The following SKAP1 variants were observed in gnomAD, a reference collection of about 807,000 sequenced individuals.
The protein encoded by SKAP1 is src kinase associated phosphoprotein 1.
SKAP1 carries 44 observed loss-of-function variants against 58.5 expected under a neutral mutation model. That is an observed-to-expected ratio of 0.75 (90% CI 0.59 to 0.97). The LOEUF (loss-of-function observed/expected upper bound fraction) is 0.97, where lower values mean the gene tolerates loss of function less well. Among genes scored for constraint, SKAP1 ranks in the 50% least tolerant of loss-of-function variants. The pLI, the probability that SKAP1 is intolerant of heterozygous loss-of-function variation, is 0.00. For missense variants in SKAP1, 390 were observed against 435.2 expected, an observed-to-expected ratio of 0.90 and a Z score of 0.92; for synonymous variants, 127 against 149.7, an observed-to-expected ratio of 0.85 and a Z score of 1.11.
At chr17:48,432,702 C>T (rs771166332), upstream of SKAP1, among the ~76,000 whole-genome samples, 19 of 152,316 alleles carry the variant, frequency 1.2e-4, no homozygotes, top group Non-Finnish European at 2.1e-4. Flanking sequence ...AGCAAAGTCT[C>T]CCCATATGTC....
At chr17:48,417,500 T>C (rs1421601086) in intron 1 of SKAP1, among the ~76,000 whole-genome samples, 1 of 152,112 alleles carries the variant, frequency 6.6e-6, no homozygotes, top group Non-Finnish European at 1.5e-5. Context: ...ATCCCAGCAC[T>C]TTGGGAAGCC....
intron 4 of SKAP1, among the ~76,000 whole-genome samples, chr17:48,233,087 C>T (rs2065141849): frequency 6.6e-6 from 1 of 152,146 alleles, no homozygotes; most frequent in South Asian, 2.1e-4. Context: ...TCATGGAAAA[C>T]AGCAAGATAC....
intron 10 of SKAP1, among the ~76,000 whole-genome samples, chr17:48,166,731 C>A (rs1048749674): frequency 2.0e-5 from 3 of 152,130 alleles, no homozygotes; most frequent in Non-Finnish European, 4.4e-5. Context: ...GCCAGTCCTA[C>A]GAGAGGATGG....
chr17:48,232,181 G>A (rs1472100437), intron 4 of SKAP1, among the ~76,000 whole-genome samples: 9 of 152,216 alleles, frequency 5.9e-5, no homozygotes, highest in Non-Finnish European at 1.0e-4. Context: ...GTTCCTGGGC[G>A]TGCCTCAGAT....
At chr17:48,235,688 A>C (rs925501200) in intron 4 of SKAP1, among the ~76,000 whole-genome samples, 5 of 152,206 alleles carry the variant, frequency 3.3e-5, no homozygotes, top group African/African-American at 2.4e-5. Context: ...ATGGCAAAGA[A>C]TGTTGGTGTT....
intron 4 of SKAP1, among the ~76,000 whole-genome samples, chr17:48,334,228 T>A (rs1027184076): frequency 2.0e-5 from 3 of 151,838 alleles, no homozygotes; most frequent in African/African-American, 4.8e-5. Flanking sequence ...TTCAAAAAAA[T>A]TAGTCATTGT....
At chr17:48,412,767 G>GTTAAAAAATAATTAACATGATATAATTA (rs2067680887) in intron 1 of SKAP1, among the ~76,000 whole-genome samples, 1 of 152,058 alleles carries the variant, frequency 6.6e-6, no homozygotes, top group African/African-American at 2.4e-5. Flanking sequence ...TACTAAAATT[G>GTTAAAAAATAATTAACATGATATAATTA]TTAAAAAATA....
At chr17:48,228,887 A>G (rs2065097673) in intron 4 of SKAP1, among the ~76,000 whole-genome samples, 1 of 152,174 alleles carries the variant, frequency 6.6e-6, no homozygotes, top group Non-Finnish European at 1.5e-5. Context: ...GGGATTCCTA[A>G]TAGAACCCTG....
chr17:48,247,331 C>T (rs1307461742), intron 4 of SKAP1, among the ~76,000 whole-genome samples: 1 of 152,134 alleles, frequency 6.6e-6, no homozygotes, highest in Non-Finnish European at 1.5e-5. Context: ...AGGCAAATAG[C>T]TAGAAAAAGG....
chr17:48,339,015 A>G (rs1422419624), intron 4 of SKAP1, among the ~76,000 whole-genome samples: 1 of 152,196 alleles, frequency 6.6e-6, no homozygotes, highest in Non-Finnish European at 1.5e-5. Flanking sequence ...ATGATCTGAA[A>G]TCTGATGGAC....
chr17:48,279,836 G>A, intron 4 of SKAP1, among the ~76,000 whole-genome samples: 1 of 151,980 alleles, frequency 6.6e-6, no homozygotes, highest in Non-Finnish European at 1.5e-5. Flanking sequence ...TCGTAGCCTG[G>A]GCCAGCTTCC....
intron 3 of SKAP1, among the ~76,000 whole-genome samples, chr17:48,351,934 G>A (rs1241430863): frequency 6.6e-6 from 1 of 152,110 alleles, no homozygotes; most frequent in East Asian, 1.9e-4. Flanking sequence ...GTCAGTGGGA[G>A]CTAATTGAAA....
At chr17:48,366,777 A>G (rs2067008648) in intron 2 of SKAP1, among the ~76,000 whole-genome samples, 1 of 152,034 alleles carries the variant, frequency 6.6e-6, no homozygotes, top group Non-Finnish European at 1.5e-5. Context: ...CTAACCCCCA[A>G]TTCCTATCAT....
At chr17:48,329,421 G>A (rs966685623) in intron 4 of SKAP1, among the ~76,000 whole-genome samples, 2 of 152,096 alleles carry the variant, frequency 1.3e-5, no homozygotes, top group Non-Finnish European at 2.9e-5. Flanking sequence ...AACAATCAAC[G>A]TGGCTGGGCG....
intron 9 of SKAP1, among the ~76,000 whole-genome samples, chr17:48,177,252 C>T (rs1005930211): frequency 6.6e-6 from 1 of 152,170 alleles, no homozygotes; most frequent in Non-Finnish European, 1.5e-5. Flanking sequence ...GGGCAGGGAC[C>T]TAACCATCCC....
chr17:48,390,912 T>C (rs777299058), intron 2 of SKAP1, among the ~76,000 whole-genome samples: 5 of 152,100 alleles, frequency 3.3e-5, no homozygotes, highest in African/African-American at 4.8e-5. Flanking sequence ...CCGTCTTCAC[T>C]AAAAATACAA....
At chr17:48,285,109 A>G (rs2065813874) in intron 4 of SKAP1, among the ~76,000 whole-genome samples, 1 of 152,194 alleles carries the variant, frequency 6.6e-6, no homozygotes, top group Non-Finnish European at 1.5e-5. Flanking sequence ...AAGCTCTCCA[A>G]ATCCTCACAG....
chr17:48,177,566 C>T (rs574326519), intron 9 of SKAP1, among the ~76,000 whole-genome samples: 26 of 152,078 alleles, frequency 1.7e-4, no homozygotes, highest in Non-Finnish European at 2.9e-4. Context: ...CCATTGCTGT[C>T]TCATGTGCCG....
At chr17:48,147,364 G>A (rs1016383180) in intron 11 of SKAP1, among the ~76,000 whole-genome samples, 1 of 152,196 alleles carries the variant, frequency 6.6e-6, no homozygotes, top group Non-Finnish European at 1.5e-5. Context: ...AGAGTAACTT[G>A]TACTATTCCA....
Sources: gnomAD v4.1 joint callset for allele counts (sites outside exome capture counted in the v4.1 genomes callset) on GRCh38, gnomAD v4.1.1 for gene constraint, MANE v1.5 for transcripts, NCBI Gene and HGNC (gene_info 2026-07-23, HGNC 2026-07-21) for gene names.